The following WIPF3 variants were observed in gnomAD, a reference collection of about 807,000 sequenced individuals.
WIPF3 encodes WAS/WASL-interacting protein family member 3.
A neutral mutation model predicts 38.9 loss-of-function variants in WIPF3; 33 were observed. That is an observed-to-expected ratio of 0.85 (90% confidence interval 0.64 to 1.14). The LOEUF (loss-of-function observed/expected upper bound fraction) is 1.14. Ranked by LOEUF, WIPF3 falls within the 50% of genes most tolerant of loss-of-function variation. The pLI is 0.00. For missense variants in WIPF3, 711 were observed against 652.5 expected (o/e 1.09, Z -0.98); for synonymous variants, 324 against 269.3 (o/e 1.20, Z -1.99).
At chr7:29,821,880 T>C (rs1395118788) in intron 1 of WIPF3, among the ~76,000 whole-genome samples, 2 of 152,178 alleles carry the variant, frequency 1.3e-5, no homozygotes, top group Non-Finnish European at 2.9e-5. Context: ...GTGTTCTTCA[T>C]TTTTCTCTTT....
Position 29,904,327 on chromosome 7 carries a change from C to T in WIPF3, c.1393C>T (p.Gln465Ter), listed in dbSNP as rs1455622757. ...GPWLQAEAVG[Q>*]SSDDIKGRNS... ...CTGGCTCCAAGCGGAAGCAGTCGGG[C>T]AGAGCTCTGATGACATCAAAGGCAG... Residue 465 changes from glutamine to a stop codon, truncating the protein, a stop_gained, in exon 8 of 9, where the codon CAG becomes TAG. Coordinates refer to ENST00000242140, the MANE Select transcript of WIPF3 (RefSeq NM_001080529.3). LOFTEE classifies it high-confidence loss of function. The T allele has an allele frequency of 1.9e-6, 3 of 1,613,952 alleles. No homozygotes were observed. Among genetic ancestry groups the T allele is most frequent in the Non-Finnish European group, 2.5e-6 (3 of 1,179,854 alleles).
At chr7:29,872,798 CAAAAAAAAAAAAAA>C (rs61693654) in intron 2 of WIPF3, among the ~76,000 whole-genome samples, 2 of 31,036 alleles carry the variant, frequency 6.4e-5, no homozygotes, top group Non-Finnish European at 1.0e-4. Flanking sequence ...GACTCCATCT[CAAAAAAAAAAAAAA>C]AAAAAAAAAA....
intron 1 of WIPF3, among the ~76,000 whole-genome samples, chr7:29,832,920 GC>G (rs1325166482): frequency 6.6e-6 from 1 of 152,214 alleles, no homozygotes; most frequent in Non-Finnish European, 1.5e-5. Flanking sequence ...AAAGGTGAAA[GC>G]AACCCAGGCA....
chr7:29,827,593 T>C (rs1784639396), intron 1 of WIPF3, among the ~76,000 whole-genome samples: 1 of 152,062 alleles, frequency 6.6e-6, no homozygotes, highest in African/African-American at 2.4e-5. Flanking sequence ...GAGATCATAA[T>C]GTGAGATATA....
At position 29,914,482 on chromosome 7, in the gene WIPF3, T is replaced by C. The variant is rs1786566696; in HGVS notation, c.1429-11T>C. 6.6e-7 allele frequency: 1 copy of C among 1,518,314 alleles called. No individual in the cohort carries two copies. Among genetic ancestry groups the C allele is most frequent in the South Asian group, 1.3e-5 (1 of 77,874 alleles). The allele number at this position is 1,518,314 out of a possible 1,614,324, so 94.1% of individuals were successfully genotyped here. A position where few individuals can be genotyped will look rare whatever the true frequency, so the allele number is the denominator to read the frequency against. Reference sequence around the variant, plus strand: ...AACTCCACCTGGTAATGTTCTGTTATGTTTCCACAGTTATCTCTAAAGACT... The same window carrying C: ...AACTCCACCTGGTAATGTTCTGTTACGTTTCCACAGTTATCTCTAAAGACT... On this transcript the variant is annotated splice_polypyrimidine_tract_variant and intron_variant, in intron 8 of 8. Transcript: ENST00000242140.
intron 1 of WIPF3, among the ~76,000 whole-genome samples, chr7:29,807,526 C>G (rs1583584914): frequency 1.3e-5 from 2 of 152,218 alleles, no homozygotes; most frequent in African/African-American, 4.8e-5. Flanking sequence ...CAGGCACCGG[C>G]TCTCAGGAAC....
rs1170406945 is a variant in WIPF3, at chr7:29,814,136, G to A, written c.-58+7458G>A. Among the ~76,000 whole-genome samples the A allele has an allele frequency of 2.0e-5, 3 of 152,136 alleles. No individual in the cohort carries two copies. In the South Asian group the frequency reaches 6.2e-4, roughly 32 times the overall value. ...GGGTTTTGCCATGTTGGCCAGGCTG[G>A]TCTCGAACTCCTAGGCAAGCGATCT... On this transcript the variant is annotated intron_variant, in intron 1 of 8. Coordinates refer to ENST00000242140, the MANE Select transcript of WIPF3 (RefSeq NM_001080529.3).
intron 2 of WIPF3, among the ~76,000 whole-genome samples, chr7:29,845,118 A>G (rs1469889805): frequency 6.6e-6 from 1 of 151,550 alleles, no homozygotes; most frequent in Non-Finnish European, 1.5e-5. Context: ...AAAAAACACA[A>G]AAAACATATT....
At chr7:29,897,610 C>T (rs1413503183) in intron 7 of WIPF3, among the ~76,000 whole-genome samples, 3 of 152,032 alleles carry the variant, frequency 2.0e-5, no homozygotes, top group East Asian at 1.9e-4. Flanking sequence ...AAACACGCAC[C>T]GTTATTTCCA....
At chr7:29,883,122 T>G (rs1056181083) in intron 4 of WIPF3, among the ~76,000 whole-genome samples, 3 of 152,158 alleles carry the variant, frequency 2.0e-5, no homozygotes, top group Admixed American at 1.3e-4. Flanking sequence ...AGCCAATGGT[T>G]GTTGTTGAAT....
At chr7:29,831,933 G>T (rs796494856) in intron 1 of WIPF3, among the ~76,000 whole-genome samples, 1 of 152,184 alleles carries the variant, frequency 6.6e-6, no homozygotes, top group Admixed American at 6.5e-5. Context: ...CATGTGCTGA[G>T]GGATTACAGG....
chr7:29,863,099 C>T (rs1391622326), intron 2 of WIPF3, among the ~76,000 whole-genome samples: 1 of 152,110 alleles, frequency 6.6e-6, no homozygotes, highest in Non-Finnish European at 1.5e-5. Context: ...GTAAGACTGA[C>T]TTTTGCAGGG....
chr7:29,861,895 G>A (rs1785284680), intron 2 of WIPF3, among the ~76,000 whole-genome samples: 1 of 152,190 alleles, frequency 6.6e-6, no homozygotes, highest in African/African-American at 2.4e-5. Context: ...TCAGGTAAAT[G>A]AAGAAAGATT....
At chr7:29,819,562 C>T (rs1459673144) in intron 1 of WIPF3, among the ~76,000 whole-genome samples, 1 of 152,008 alleles carries the variant, frequency 6.6e-6, no homozygotes, top group African/African-American at 2.4e-5. Context: ...TTAATTCCTT[C>T]CCTTCTGCTT....
At chr7:29,864,628 C>T (rs1170580455) in intron 2 of WIPF3, among the ~76,000 whole-genome samples, 7 of 152,304 alleles carry the variant, frequency 4.6e-5, no homozygotes, top group Non-Finnish European at 1.0e-4. Flanking sequence ...ATACTCTCAA[C>T]GCTTTAATAG....
chr7:29,895,144 T>TCTGGGTTTCATCCTGTCC (rs1448661355), intron 7 of WIPF3, among the ~76,000 whole-genome samples: 1 of 152,106 alleles, frequency 6.6e-6, no homozygotes, highest in Non-Finnish European at 1.5e-5. Context: ...TTTCATCCTG[T>TCTGGGTTTCATCCTGTCC]TGGCCAGGCT....
chr7:29,897,613 T>C (rs966211525), intron 7 of WIPF3, among the ~76,000 whole-genome samples: 12 of 152,240 alleles, frequency 7.9e-5, no homozygotes, highest in African/African-American at 2.9e-4. Flanking sequence ...CACGCACCGT[T>C]ATTTCCATTA....
chr7:29,887,881 A>T (rs1785914860), intron 5 of WIPF3, among the ~76,000 whole-genome samples, 187 bp from the exon 6 acceptor site: 1 of 152,186 alleles, frequency 6.6e-6, no homozygotes, highest in Non-Finnish European at 1.5e-5. Context: ...AAACACAAAG[A>T]GGCTATGCTA....
chr7:29,888,832 G>C (rs1266162456), intron 6 of WIPF3, among the ~76,000 whole-genome samples: 1 of 152,114 alleles, frequency 6.6e-6, no homozygotes, highest in African/African-American at 2.4e-5. Flanking sequence ...GTGGAGCTCA[G>C]GTCCCACCCT....
Sources: allele counts gnomAD v4.1 joint callset (sites outside exome capture counted in the v4.1 genomes callset), GRCh38; gene constraint gnomAD v4.1.1; transcripts MANE v1.5; gene names NCBI Gene and HGNC (gene_info 2026-07-23, HGNC 2026-07-21).